The following CHRNE variants were observed in gnomAD, a reference collection of about 807,000 sequenced individuals.
CHRNE encodes cholinergic receptor nicotinic epsilon subunit, also known as acetylcholine receptor subunit epsilon.
In CHRNE, 58 loss-of-function variants were observed where a neutral mutation model predicts 56.5. The ratio of observed to expected loss-of-function variants is 1.03; its 90% CI spans 0.83 to 1.28. CHRNE has a LOEUF of 1.28. Ranked by LOEUF, CHRNE falls within the 50% of genes most tolerant of loss-of-function variation. The probability of loss-of-function intolerance (pLI) is 0.00; values close to 1 mark genes in which losing one functional copy is unlikely to be tolerated. For missense variants in CHRNE, 793 were observed against 688.9 expected (o/e 1.15, Z -1.69); for synonymous variants, 385 against 297.9 (o/e 1.29, Z -3.01).
At position 4,899,302 on chromosome 17, in the gene CHRNE, G is replaced by A. The variant is rs912512352; in HGVS notation, c.1115C>T (p.Ala372Val). Residue 372 changes from alanine to valine, a missense_variant, in exon 10 of 12, where the codon GCG (alanine) becomes GTG (valine). Physicochemically the swap from Ala to Val is moderately conservative, Grantham distance 64 (BLOSUM62 0). Transcript: ENST00000649488. Reference protein sequence around the residue: ...APRAASPPRRASSVGLLLRAE... With the variant: ...APRAASPPRRVSSVGLLLRAE... ...GCGGAGCAATAAGCCCACCGACGAC[G>A]CCCGCCTTGGGGGCGAGGCGGCCCG... 17 of 1,589,276 alleles carry A rather than the reference G, an allele frequency of 1.1e-5. No individual in the cohort carries two copies. In the Admixed American group the frequency reaches 2.6e-4, roughly 24 times the overall value.
At position 4,899,391 on chromosome 17, in the gene CHRNE, C is replaced by T. The variant is rs748353818; in HGVS notation, c.1033-7G>A. ...GCAGCAGCTCCAGGAGAACCTGGGGCAGGGGCGGGGCTTAGGGGACGAGGT... is the reference window on the plus strand; with the variant it reads ...GCAGCAGCTCCAGGAGAACCTGGGGTAGGGGCGGGGCTTAGGGGACGAGGT... On this transcript the variant is annotated splice_region_variant and splice_polypyrimidine_tract_variant and intron_variant, in intron 9 of 11. Coordinates refer to ENST00000649488, the MANE Select transcript of CHRNE (RefSeq NM_000080.4). The T allele has an allele frequency of 5.9e-6, 9 of 1,533,778 alleles. No individual in the cohort carries two copies. The highest frequency in any genetic ancestry group is 6.1e-6 in the Non-Finnish European group (7 of 1,143,766).
intron 5 of CHRNE, 39 bp downstream of exon 5, chr17:4,901,893 C>CA (rs769682214): frequency 1.9e-6 from 3 of 1,607,496 alleles, no homozygotes; most frequent in Admixed American, 1.7e-5. Context: ...GGCCCCCCCC[C>CA]AACAATAATC....
At chr17:4,901,440 G>A (rs1597620098) in intron 6 of CHRNE, 85 bp downstream of exon 6, 2 of 1,283,872 alleles carry the variant, frequency 1.6e-6, no homozygotes, top group South Asian at 1.2e-5. Flanking sequence ...CTCCAGTGTC[G>A]TTGGTCCGGG....
At position 4,901,090 on chromosome 17, in the gene CHRNE, G is replaced by C. The variant is rs1344473749; in HGVS notation, c.702C>G (p.Leu234=). ...AGAAGAGCGGCTTCCGGCGGATGAT[G>C]AGCGAGTAGATGACGTCAGTCTCCC... is the stretch of plus-strand genomic sequence containing the variant. ...GPGETDVIYS[L]IIRRKPLFYV... is the part of the protein sequence containing the mutation. Residue 234 remains leucine, a synonymous_variant, in exon 7 of 12, where the codon CTC becomes CTG. Coordinates refer to ENST00000649488, the MANE Select transcript of CHRNE (RefSeq NM_000080.4). 1.2e-6 allele frequency: 2 copies of C among 1,613,650 alleles called. No individual in the cohort carries two copies. Among genetic ancestry groups the C allele is most frequent in the Non-Finnish European group, 1.7e-6 (2 of 1,179,974 alleles).
In CHRNE at chr17:4,898,102, T is replaced by G. The variant is rs1478614317; in HGVS notation, c.*634A>C. 1 of 159,396 alleles carries G rather than the reference T, an allele frequency of 6.3e-6. No individual in the cohort carries two copies. The highest frequency in any genetic ancestry group is 2.5e-5 in the African/African-American group (1 of 40,794). The allele number at this position is 159,396 out of a possible 1,614,324, so 9.9% of individuals were successfully genotyped here. ...CTTGCTTTCTGTCAGTACTGTAGAC[T>G]AGGCAGAGAGAGCCTCCAGGGTGGG... On this transcript the variant is annotated 3_prime_UTR_variant, in exon 12 of 12. Coordinates refer to ENST00000649488, the MANE Select transcript of CHRNE (RefSeq NM_000080.4).
At position 4,902,627 on chromosome 17, in the gene CHRNE, G is replaced by C; in HGVS notation, c.183C>G (p.Ile61Met). The C allele has an allele frequency of 6.2e-7, 1 of 1,614,104 alleles. No homozygotes were observed. The highest frequency in any genetic ancestry group is 1.1e-5 in the South Asian group (1 of 91,078). Residue 61 changes from isoleucine to methionine, a missense_variant, in exon 2 of 12, where the codon ATC becomes ATG. Transcript: ENST00000649488. The surrounding 1 kb of genome is among the most constrained non-coding windows in gnomAD (Gnocchi z 4.0). ...GAGGGTGGGGGTAGCTTACCAGTGA[G>C]ATGAGATTCGTCAGGGTGACCTTGA... Reference protein sequence around the residue: ...ISLKVTLTNLISLNEKEETLT... With the variant: ...ISLKVTLTNLMSLNEKEETLT...
Position 4,902,498 on chromosome 17 carries a change from C to A in CHRNE, c.190-4G>T. The A allele has an allele frequency of 6.2e-7, 1 of 1,614,112 alleles. No homozygotes were observed. Among genetic ancestry groups the A allele is most frequent in the Non-Finnish European group, 8.5e-7 (1 of 1,180,024 alleles). ...TGAGAGTCTCCTCTTTTTCATTCTG[C>A]AGATGGGAGATGGGGATGATTGAAG... On this transcript the variant is annotated splice_region_variant and splice_polypyrimidine_tract_variant and intron_variant, in intron 2 of 11. Transcript: ENST00000649488. The surrounding 1 kb of genome is among the most constrained non-coding windows in gnomAD (Gnocchi z 4.0).
upstream of CHRNE, among the ~76,000 whole-genome samples, chr17:4,905,108 G>A (rs1044952872): frequency 1.3e-5 from 2 of 152,194 alleles, no homozygotes; most frequent in Non-Finnish European, 2.9e-5. Flanking sequence ...CGAGTGCTAC[G>A]GTTATTGAGA....
upstream of CHRNE, among the ~76,000 whole-genome samples, chr17:4,907,235 T>TA (rs140995776): frequency 0.1 from 14,825 of 147,032 alleles, 753 homozygotes; most frequent in African/African-American, 0.12. Context: ...TTGGGGGAAT[T>TA]AAAAAAAAAA....
In CHRNE at chr17:4,898,179, TGGGATG is replaced by T; in HGVS notation, c.*551_*556del. On this transcript the variant is annotated 3_prime_UTR_variant, in exon 12 of 12. Coordinates refer to ENST00000649488, the MANE Select transcript of CHRNE (RefSeq NM_000080.4). ...TCTGCAATGAGTGAGCCTCATGGGG[TGGGATG>T]GGCAGTGCTGGGCCAAGAAAACCTA... The T allele has an allele frequency of 5.9e-6, 1 of 170,802 alleles. No homozygotes were observed. Among genetic ancestry groups the T allele is most frequent in the Non-Finnish European group, 1.3e-5 (1 of 78,384 alleles). The allele number at this position is 170,802 out of a possible 1,614,324, so 10.6% of individuals were successfully genotyped here.
intron 8 of CHRNE, 168 bp from the exon 9 acceptor site, chr17:4,899,750 A>G: frequency 6.5e-7 from 1 of 1,549,982 alleles, no homozygotes; most frequent in Non-Finnish European, 8.7e-7. Context: ...CTGTCCTACC[A>G]CTTGTGGCGG....
upstream of CHRNE, among the ~76,000 whole-genome samples, chr17:4,903,506 C>A (rs1382610811): frequency 6.6e-6 from 1 of 152,224 alleles, no homozygotes; most frequent in Non-Finnish European, 1.5e-5. Context: ...GGAACACACA[C>A]TATCACCACC....
chr17:4,903,136 A>AG, upstream of CHRNE: 1 of 1,467,564 alleles, frequency 6.8e-7, no homozygotes, highest in East Asian at 2.3e-5. Flanking sequence ...TGCCTGTGTG[A>AG]GGGGGAGGAG....
chr17:4,904,036 T>G (rs2151099830), upstream of CHRNE, among the ~76,000 whole-genome samples: 1 of 151,776 alleles, frequency 6.6e-6, no homozygotes, highest in East Asian at 2.0e-4. Flanking sequence ...TTTTGTATTT[T>G]TTAGTAGAGA....
At chr17:4,900,697 G>A in intron 8 of CHRNE, 96 bp downstream of exon 8, 1 of 1,468,634 alleles carries the variant, frequency 6.8e-7, no homozygotes, top group Non-Finnish European at 9.3e-7. Flanking sequence ...GCCCAGGGCG[G>A]GGCGAGACAG....
At chr17:4,900,546 G>C (rs1487083879) in intron 8 of CHRNE, 1 of 1,550,418 alleles carries the variant, frequency 6.4e-7, no homozygotes, top group African/African-American at 1.4e-5. Flanking sequence ...GCCAGAGGCG[G>C]CGGGGCTAGG....
upstream of CHRNE, among the ~76,000 whole-genome samples, chr17:4,905,534 C>A (rs1429981962): frequency 6.6e-6 from 1 of 152,066 alleles, no homozygotes; most frequent in Admixed American, 6.6e-5. Flanking sequence ...TACACTCCAG[C>A]CTGGGTGACA....
Position 4,901,251 on chromosome 17 carries a change from G to A in CHRNE, c.602-61C>T, listed in dbSNP as rs1045728830. 1.3e-5 allele frequency: 21 copies of A among 1,560,534 alleles called. No homozygotes were observed. In the African/African-American group the frequency reaches 1.5e-4, roughly 11 times the overall value. The stretch of plus-strand genomic sequence containing the variant: ...GCGGGGCGCCCGCCGAGCTGACAGC[G>A]GGCTGAAGAGGAGGCTGCGGCTGTC... On this transcript the variant is annotated intron_variant, in intron 6 of 11. Coordinates refer to ENST00000649488, the MANE Select transcript of CHRNE (RefSeq NM_000080.4).
At chr17:4,899,147 C>A (rs1260182977) in intron 10 of CHRNE, 40 bp from the exon 11 acceptor site, 1 of 1,597,564 alleles carries the variant, frequency 6.3e-7, no homozygotes, top group South Asian at 1.1e-5. Flanking sequence ...AGGAGCCTCC[C>A]CCCTGGCAGG....
Sources: allele counts gnomAD v4.1 joint callset (sites outside exome capture counted in the v4.1 genomes callset), GRCh38; gene constraint gnomAD v4.1.1; non-coding constraint Gnocchi (gnomAD v3.1); transcripts MANE v1.5; gene names NCBI Gene and HGNC (gene_info 2026-07-23, HGNC 2026-07-21).